Variants in SPECC1 observed in about 807,000 individuals in gnomAD.
SPECC1 encodes sperm antigen with calponin homology and coiled-coil domains 1, also known as cytospin-B.
In SPECC1, 62 loss-of-function variants were observed where a neutral mutation model predicts 104.1. The ratio of observed to expected loss-of-function variants is 0.60; its 90% CI spans 0.49 to 0.74. The LOEUF is 0.74. Ranked by LOEUF, SPECC1 falls within the 30% of genes least tolerant of loss-of-function variation. The pLI, the probability that SPECC1 is intolerant of heterozygous loss-of-function variation, is 0.00. For synonymous variants in SPECC1, 513 were observed against 501.6 expected (o/e 1.02, Z -0.30); for missense variants, 1,306 against 1,310.5 (o/e 1.00, Z 0.05).
intron 3 of SPECC1, among the ~76,000 whole-genome samples, chr17:20,199,851 G>A (rs558856852): frequency 2.0e-4 from 31 of 152,108 alleles, no homozygotes; most frequent in Admixed American, 3.9e-4. Flanking sequence ...GTGCAGTGGC[G>A]TGATCTTGGC....
At chr17:20,092,073 C>T (rs1004395457) in intron 1 of SPECC1, among the ~76,000 whole-genome samples, 7 of 152,166 alleles carry the variant, frequency 4.6e-5, no homozygotes, top group African/African-American at 1.7e-4. Context: ...CTCCCTCCCT[C>T]CTTTCTCTTC....
chr17:20,167,782 G>A (rs139505990), intron 3 of SPECC1, among the ~76,000 whole-genome samples: 315 of 152,252 alleles, frequency 2.1e-3, no homozygotes, highest in Middle Eastern at 6.8e-3. Context: ...GCTATTTAAA[G>A]TTATGTGGTA....
intron 1 of SPECC1, among the ~76,000 whole-genome samples, chr17:20,064,561 A>G (rs1303253768): frequency 6.6e-6 from 1 of 152,202 alleles, no homozygotes; most frequent in African/African-American, 2.4e-5. Context: ...GGAGGACAGC[A>G]GGAGGATCTG....
Position 20,316,449 on chromosome 17 carries a change from CTCCGCCG to C in SPECC1, c.*2385_*2391del, listed in dbSNP as rs2042041096. 5.1e-6 allele frequency: 1 copy of C among 196,014 alleles called. No homozygotes were observed. Among genetic ancestry groups the C allele is most frequent in the South Asian group, 1.9e-4 (1 of 5,182 alleles). 12.1% of individuals were successfully genotyped at this position (196,014 alleles called of 1,614,324 possible). On this transcript the variant is annotated 3_prime_UTR_variant, in exon 15 of 15. Coordinates refer to ENST00000395527, the MANE Select transcript of SPECC1 (RefSeq NM_001243439.2). The stretch of plus-strand genomic sequence containing the variant: ...TAGCACCGTCTCAGCTCACTGCAAC[CTCCGCCG>C]CCCGTGTTTAAGCGATTCTCCTGCC...
chr17:20,126,087 C>T (rs369516677), intron 3 of SPECC1, among the ~76,000 whole-genome samples: 72 of 152,274 alleles, frequency 4.7e-4, no homozygotes, highest in African/African-American at 1.6e-3. Flanking sequence ...AGAATACTGA[C>T]ATCTTTGCCA....
At chr17:20,091,499 A>G (rs2047399150) in intron 1 of SPECC1, among the ~76,000 whole-genome samples, 3 of 152,282 alleles carry the variant, frequency 2.0e-5, no homozygotes, top group Non-Finnish European at 1.5e-5. Flanking sequence ...ACCGATGTCT[A>G]GCAGCATCTC....
chr17:20,253,734 A>C, intron 10 of SPECC1, 148 bp downstream of exon 10: 1 of 747,672 alleles, frequency 1.3e-6, no homozygotes, highest in South Asian at 1.8e-5. Flanking sequence ...CATATCATGA[A>C]TGTTAGATGC....
intron 11 of SPECC1, 122 bp downstream of exon 11, chr17:20,257,729 A>C (rs951087676): frequency 8.4e-6 from 11 of 1,305,476 alleles, no homozygotes; most frequent in Non-Finnish European, 9.5e-6. Flanking sequence ...GAAAATGACT[A>C]AGACACTGTG....
chr17:20,080,687 A>G (rs2046935592), intron 1 of SPECC1, among the ~76,000 whole-genome samples: 1 of 151,986 alleles, frequency 6.6e-6, no homozygotes, highest in Admixed American at 6.6e-5. Flanking sequence ...GGTCTTACTG[A>G]TGAGGTCGAA....
intron 7 of SPECC1, among the ~76,000 whole-genome samples, chr17:20,234,522 G>A (rs545932934): frequency 8.1e-4 from 124 of 152,250 alleles, no homozygotes; most frequent in African/African-American, 2.7e-3. Context: ...TCAAAGCTCC[G>A]GAAGCCACCT....
chr17:20,206,334 T>G (rs1311755361), intron 4 of SPECC1, among the ~76,000 whole-genome samples: 3 of 152,188 alleles, frequency 2.0e-5, no homozygotes, highest in African/African-American at 7.2e-5. Context: ...CAGCATGCTT[T>G]TAGCTGCCAG....
chr17:20,220,942 G>T (rs1598014016), intron 4 of SPECC1, among the ~76,000 whole-genome samples: 1 of 152,086 alleles, frequency 6.6e-6, no homozygotes, highest in Non-Finnish European at 1.5e-5. Flanking sequence ...TGACCATATG[G>T]TTTTTACCTT....
At chr17:20,291,661 C>T (rs1201169482) in intron 12 of SPECC1, among the ~76,000 whole-genome samples, 5 of 152,092 alleles carry the variant, frequency 3.3e-5, no homozygotes, top group Admixed American at 3.3e-4. Context: ...CTTCCTGCTT[C>T]AGCCTCCCAA....
At chr17:20,239,136 CTA>C in intron 7 of SPECC1, 1 of 921,738 alleles carries the variant, frequency 1.1e-6, no homozygotes, top group Non-Finnish European at 1.3e-6. Context: ...TTTTAAAACT[CTA>C]GGGTCTCAGA....
chr17:20,225,297 C>G (rs1005154029), intron 4 of SPECC1, among the ~76,000 whole-genome samples: 2 of 152,174 alleles, frequency 1.3e-5, no homozygotes, highest in African/African-American at 4.8e-5. Flanking sequence ...ATGTGCACTC[C>G]AAGTCCACTG....
chr17:20,276,569 C>G (rs1427820181), intron 12 of SPECC1, among the ~76,000 whole-genome samples: 1 of 152,186 alleles, frequency 6.6e-6, no homozygotes, highest in Non-Finnish European at 1.5e-5. Flanking sequence ...TCTTCTTCCT[C>G]TGTCTCACTT....
At chr17:20,096,422 T>C (rs115527256) in intron 1 of SPECC1, among the ~76,000 whole-genome samples, 251 of 152,274 alleles carry the variant, frequency 1.6e-3, no homozygotes, top group African/African-American at 5.9e-3. Flanking sequence ...GTTTCAGTAG[T>C]TTGGTAAAAG....
At chr17:20,114,490 T>TG in intron 3 of SPECC1, among the ~76,000 whole-genome samples, 1 of 146,740 alleles carries the variant, frequency 6.8e-6, no homozygotes, top group East Asian at 1.9e-4. Flanking sequence ...GCGCCCAGCC[T>TG]GTTTTTTTTT....
At chr17:20,022,856 G>T (rs558938828) in intron 1 of SPECC1, among the ~76,000 whole-genome samples, 1 of 152,200 alleles carries the variant, frequency 6.6e-6, no homozygotes, top group African/African-American at 2.4e-5. Flanking sequence ...GGAGTGGGTG[G>T]ACTCGGCATT....
Sources: allele counts gnomAD v4.1 joint callset (sites outside exome capture counted in the v4.1 genomes callset), GRCh38; gene constraint gnomAD v4.1.1; transcripts MANE v1.5; gene names NCBI Gene and HGNC (gene_info 2026-07-23, HGNC 2026-07-21).